The following ZNRF1 variants were observed in gnomAD, a reference collection of about 807,000 sequenced individuals.
ZNRF1 encodes zinc and ring finger 1.
In ZNRF1, 3 loss-of-function variants were observed where a neutral mutation model predicts 18.4. The observed-to-expected ratio is 0.16, with a 90% CI of 0.07 to 0.42. The LOEUF (loss-of-function observed/expected upper bound fraction) is 0.42. Among genes scored for constraint, ZNRF1 ranks in the 10% least tolerant of loss-of-function variants. The pLI, the probability that ZNRF1 is intolerant of heterozygous loss-of-function variation, is 0.99. For synonymous variants in ZNRF1, 157 were observed against 144.2 expected, an observed-to-expected ratio of 1.09 and a Z score of -0.64; for missense variants, 310 against 329.8, an observed-to-expected ratio of 0.94 and a Z score of 0.47.
intron 1 of ZNRF1, among the ~76,000 whole-genome samples, chr16:75,023,205 ACTCATCTT>A (rs1176242925): frequency 1.3e-5 from 2 of 152,202 alleles, no homozygotes; most frequent in African/African-American, 4.8e-5. Context: ...CTTGTAATTA[ACTCATCTT>A]TTCTCTCCAC....
At chr16:75,096,259 C>G (rs961946245) in intron 2 of ZNRF1, among the ~76,000 whole-genome samples, 3 of 152,038 alleles carry the variant, frequency 2.0e-5, no homozygotes, top group Non-Finnish European at 4.4e-5. Context: ...CTCTGTGGAC[C>G]CTGTTCATGT....
At chr16:75,039,031 A>G (rs1241698956) in intron 1 of ZNRF1, among the ~76,000 whole-genome samples, 2 of 152,160 alleles carry the variant, frequency 1.3e-5, no homozygotes, top group Admixed American at 6.5e-5. Flanking sequence ...TCCAGTAGGT[A>G]TGTGATAAAT....
Position 75,093,713 on chromosome 16 carries a change from G to A in ZNRF1, c.520+46G>A, listed in dbSNP as rs879205869. 6 of 1,522,500 alleles carry A rather than the reference G, an allele frequency of 3.9e-6. No homozygotes were observed. In the East Asian group the frequency reaches 9.0e-5, roughly 23 times the overall value. 94.3% of individuals were successfully genotyped at this position (1,522,500 alleles called of 1,614,324 possible). On this transcript the variant is annotated intron_variant, in intron 2 of 4. Coordinates refer to ENST00000335325, the MANE Select transcript of ZNRF1 (RefSeq NM_032268.5). ...ACCAGCCTCCAGAGCATCCGTCGGG[G>A]GAGCCGGCCAGTCCTTGTGGGAGCC...
At position 75,052,050 on chromosome 16, in the gene ZNRF1, A is replaced by T. The variant is rs190963097; in HGVS notation, c.425-41522A>T. On this transcript the variant is annotated intron_variant, in intron 1 of 4. Coordinates refer to ENST00000335325, the MANE Select transcript of ZNRF1 (RefSeq NM_032268.5). ...AAAGAAATGTACACATTTTAAGTAC[A>T]TGTTCACTGGGTTTTGACAAGTACA... is the stretch of plus-strand genomic sequence containing the variant. 2.0e-4 allele frequency among the ~76,000 whole-genome samples: 30 copies of T among 152,338 alleles called. No homozygotes were observed. The East Asian group carries it at 5.0e-3, about 25-fold the overall frequency.
At chr16:75,089,206 G>A (rs1056420231) in intron 1 of ZNRF1, among the ~76,000 whole-genome samples, 2 of 151,978 alleles carry the variant, frequency 1.3e-5, no homozygotes, top group South Asian at 2.1e-4. Flanking sequence ...GGGCTCAAGC[G>A]ATCCTCCTGC....
In ZNRF1 at chr16:75,096,061, C is replaced by CGTGTGTGTGTGTGTGTGTGTGT. The variant is rs56013949; in HGVS notation, c.520+2413_520+2434dup. Among the ~76,000 whole-genome samples, 200 of 139,700 alleles carry CGTGTGTGTGTGTGTGTGTGTGT rather than the reference C, an allele frequency of 1.4e-3. 1 individual carries two copies. The highest frequency in any genetic ancestry group is 2.7e-3 in the Admixed American group (38 of 13,982). The allele number at this position is 139,700 out of a possible 152,430, so 91.6% of individuals were successfully genotyped here. On this transcript the variant is annotated intron_variant, in intron 2 of 4. Coordinates refer to ENST00000335325, the MANE Select transcript of ZNRF1 (RefSeq NM_032268.5). ...GTGCATGTGTTTCTGTATGTGTGCA[C>CGTGTGTGTGTGTGTGTGTGTGT]GTGTGTGTGTGTGTGTGTGTGTGTG...
rs2034810313 is a variant in ZNRF1, at chr16:74,999,651, C to T, written c.-21C>T. On this transcript the variant is annotated 5_prime_UTR_variant, in exon 1 of 5. Coordinates refer to ENST00000335325, the MANE Select transcript of ZNRF1 (RefSeq NM_032268.5). The stretch of plus-strand genomic sequence containing the variant: ...AGGGTCTCGGCCTCCAGGTTCCCGC[C>T]CCACCGGGGCCCGGGCGAGCATGGG... 2.3e-6 allele frequency: 3 copies of T among 1,330,098 alleles called. No homozygotes were observed. The highest frequency in any genetic ancestry group is 2.1e-5 in the South Asian group (1 of 47,564). The allele number at this position is 1,330,098 out of a possible 1,614,324, so 82.4% of individuals were successfully genotyped here.
rs371326162 is a variant in ZNRF1, at chr16:75,108,408, A to G, written c.*708A>G. 84 of 393,558 alleles carry G rather than the reference A, an allele frequency of 2.1e-4. 2 individuals carry two copies. The highest frequency in any genetic ancestry group is 1.7e-3 in the African/African-American group (81 of 48,630). The allele number at this position is 393,558 out of a possible 1,614,324, so 24.4% of individuals were successfully genotyped here. A position where few individuals can be genotyped will look rare whatever the true frequency, so the allele number is the denominator to read the frequency against. The stretch of plus-strand genomic sequence containing the variant: ...GATTTAACAATCACAAGTGTCCTGC[A>G]AAAATGCCTGAACATTATTCTTAGG... On this transcript the variant is annotated 3_prime_UTR_variant, in exon 5 of 5. Coordinates refer to ENST00000335325, the MANE Select transcript of ZNRF1 (RefSeq NM_032268.5).
intron 1 of ZNRF1, among the ~76,000 whole-genome samples, chr16:75,043,058 A>G (rs1191253595): frequency 6.6e-6 from 1 of 152,220 alleles, no homozygotes; most frequent in Non-Finnish European, 1.5e-5. Flanking sequence ...TTGGCACTCC[A>G]AAAATACTTG....
chr16:75,003,063 C>T (rs1480177796), intron 1 of ZNRF1, among the ~76,000 whole-genome samples: 1 of 152,236 alleles, frequency 6.6e-6, no homozygotes, highest in Non-Finnish European at 1.5e-5. Context: ...AAGCAATTCT[C>T]CTGCCTCAGC....
At chr16:75,012,631 G>C (rs1295913044) in intron 1 of ZNRF1, among the ~76,000 whole-genome samples, 1 of 152,192 alleles carries the variant, frequency 6.6e-6, no homozygotes, top group Non-Finnish European at 1.5e-5. Flanking sequence ...TGAGAGCTTA[G>C]AACAAGCCAG....
In ZNRF1 at chr16:75,108,460, A is replaced by G; in HGVS notation, c.*760A>G. ...CCTCGTGGATTTTTTTTTTCAGAAA[A>G]CTTAAACAAAAAAAGACTTACTAAG... On this transcript the variant is annotated 3_prime_UTR_variant, in exon 5 of 5. Transcript: ENST00000335325. 2.5e-6 allele frequency: 1 copy of G among 397,532 alleles called. No individual in the cohort carries two copies. The allele number at this position is 397,532 out of a possible 1,614,324, so 24.6% of individuals were successfully genotyped here.
At chr16:75,057,159 C>T (rs552971373) in intron 1 of ZNRF1, among the ~76,000 whole-genome samples, 1 of 152,302 alleles carries the variant, frequency 6.6e-6, no homozygotes, top group Admixed American at 6.5e-5. Context: ...ACCGGGGCAT[C>T]TTGGAATACC....
chr16:75,105,458 G>C lies in ZNRF1; in HGVS notation c.626+569G>C, dbSNP rs190835675. On this transcript the variant is annotated intron_variant, in intron 3 of 4. Coordinates refer to ENST00000335325, the MANE Select transcript of ZNRF1 (RefSeq NM_032268.5). ...GTCCTTGTTTCCAGCTGGAAGGAAG[G>C]CACCCTCTTGCCCAAGACAGGACAC... 1,116 of 153,510 alleles carry C rather than the reference G, an allele frequency of 7.3e-3. 9 individuals carry two copies. The highest frequency in any genetic ancestry group is 0.012 in the Non-Finnish European group (823 of 68,864). The allele number at this position is 153,510 out of a possible 1,614,324, so 9.5% of individuals were successfully genotyped here. A position where few individuals can be genotyped will look rare whatever the true frequency, so the allele number is the denominator to read the frequency against.
At chr16:75,022,393 C>T (rs1474773354) in intron 1 of ZNRF1, among the ~76,000 whole-genome samples, 1 of 151,214 alleles carries the variant, frequency 6.6e-6, no homozygotes, top group Admixed American at 6.6e-5. Context: ...GAAACCCCGT[C>T]TCTACTAAAA....
intron 1 of ZNRF1, among the ~76,000 whole-genome samples, chr16:75,066,520 T>G (rs2035806232): frequency 6.6e-6 from 1 of 152,240 alleles, no homozygotes; most frequent in East Asian, 1.9e-4. Context: ...GGAAGATTTT[T>G]TTGAGACAGT....
chr16:75,009,312 A>G (rs2034964408), intron 1 of ZNRF1, among the ~76,000 whole-genome samples: 1 of 152,188 alleles, frequency 6.6e-6, no homozygotes, highest in Non-Finnish European at 1.5e-5. Flanking sequence ...AAAATTTACT[A>G]TCTTAACCGT....
In ZNRF1 at chr16:75,022,487, AC is replaced by A. The variant is rs543111275; in HGVS notation, c.424+22395del. ...AGGCTGAGGCAGGAGAATGGCGTGAACCCGGGAGGCGGAGCTTGCAGTGAGC... is the reference window on the plus strand; with the variant it reads ...AGGCTGAGGCAGGAGAATGGCGTGAACCGGGAGGCGGAGCTTGCAGTGAGC... On this transcript the variant is annotated intron_variant, in intron 1 of 4. Transcript: ENST00000335325. Among the ~76,000 whole-genome samples, 22 of 151,396 alleles carry A rather than the reference AC, an allele frequency of 1.5e-4. No individual in the cohort carries two copies. In the South Asian group the frequency reaches 2.9e-3, roughly 20 times the overall value.
intron 1 of ZNRF1, among the ~76,000 whole-genome samples, chr16:75,056,342 T>C (rs2035667859): frequency 1.3e-5 from 2 of 152,232 alleles, no homozygotes; most frequent in African/African-American, 4.8e-5. Flanking sequence ...TTGAGTATGG[T>C]GGAAGATTCC....
Sources: allele counts gnomAD v4.1 joint callset (sites outside exome capture counted in the v4.1 genomes callset), GRCh38; gene constraint gnomAD v4.1.1; transcripts MANE v1.5; gene names NCBI Gene and HGNC (gene_info 2026-07-23, HGNC 2026-07-21).